The following GTF2IRD1 variants were observed in gnomAD, a reference collection of about 807,000 sequenced individuals.
GTF2IRD1 encodes the protein general transcription factor II-I repeat domain-containing protein 1.
In GTF2IRD1, 26 loss-of-function variants were observed where a neutral mutation model predicts 113.2. That is an observed-to-expected ratio of 0.23 (90% confidence interval 0.17 to 0.32). The LOEUF is 0.32. Ranked by LOEUF, GTF2IRD1 falls within the 10% of genes least tolerant of loss-of-function variation. The probability of loss-of-function intolerance (pLI) is 1.00; values close to 1 mark genes in which losing one functional copy is unlikely to be tolerated. For missense variants in GTF2IRD1, 864 were observed against 1,280.8 expected (o/e 0.67, Z 4.97); for synonymous variants, 484 against 529.1 (o/e 0.91, Z 1.17).
At chr7:74,509,712 C>T (rs1023543348) in intron 2 of GTF2IRD1, among the ~76,000 whole-genome samples, 13 of 151,546 alleles carry the variant, frequency 8.6e-5, no homozygotes, top group Non-Finnish European at 1.0e-4. Flanking sequence ...TTCGCTCTGT[C>T]GCCAGGCTGG....
chr7:74,556,001 G>A (rs1437759821), intron 19 of GTF2IRD1, among the ~76,000 whole-genome samples: 1 of 152,072 alleles, frequency 6.6e-6, no homozygotes, highest in Non-Finnish European at 1.5e-5. Context: ...TGTAATCCCA[G>A]CACTTTGGGC....
intron 8 of GTF2IRD1, among the ~76,000 whole-genome samples, chr7:74,526,387 C>A (rs2130383917): frequency 6.6e-6 from 1 of 152,284 alleles, no homozygotes; most frequent in South Asian, 2.1e-4. Flanking sequence ...TCTGGCAGCC[C>A]AAGGCATTCC....
intron 14 of GTF2IRD1, among the ~76,000 whole-genome samples, chr7:74,542,646 T>C (rs1798696518): frequency 6.6e-6 from 1 of 152,260 alleles, no homozygotes; most frequent in South Asian, 2.1e-4. Flanking sequence ...CAGCACAAAC[T>C]GGGCATGACC....
At chr7:74,541,180 A>G (rs1475391400) in intron 14 of GTF2IRD1, among the ~76,000 whole-genome samples, 1 of 151,850 alleles carries the variant, frequency 6.6e-6, no homozygotes, top group Non-Finnish European at 1.5e-5. Context: ...TCGTGCGGAG[A>G]GATAAACAGT....
intron 24 of GTF2IRD1, among the ~76,000 whole-genome samples, chr7:74,591,466 C>T (rs1554369636): frequency 2.0e-5 from 3 of 149,852 alleles, no homozygotes; most frequent in African/African-American, 7.4e-5. Flanking sequence ...GCACGCTTCA[C>T]CTCCTGAGTT....
chr7:74,550,696 C>T (rs1301299880), intron 17 of GTF2IRD1, among the ~76,000 whole-genome samples: 3 of 151,688 alleles, frequency 2.0e-5, no homozygotes, highest in African/African-American at 7.3e-5. Flanking sequence ...TCGCTTGAGC[C>T]CAGGAATTTG....
In GTF2IRD1 at chr7:74,491,994, C is replaced by T. The variant is rs1053755187; in HGVS notation, c.-6-16081C>T. ...CACCAACATCTGTTATTTTCTTGTT[C>T]GTTTGTTTTTGTTTTTGTTTTTGTT... On this transcript the variant is annotated intron_variant, in intron 1 of 26. Coordinates refer to ENST00000424337, the MANE Select transcript of GTF2IRD1 (RefSeq NM_005685.4). 4.8e-5 allele frequency among the ~76,000 whole-genome samples: 7 copies of T among 146,868 alleles called. No homozygotes were observed. In the South Asian group the frequency reaches 1.3e-3, roughly 27 times the overall value.
Position 74,512,797 on chromosome 7 carries a change from C to A in GTF2IRD1, c.124-33C>A. 1.2e-6 allele frequency: 2 copies of A among 1,607,158 alleles called. No homozygotes were observed. The highest frequency in any genetic ancestry group is 1.7e-6 in the Non-Finnish European group (2 of 1,176,170). On this transcript the variant is annotated intron_variant, in intron 2 of 26. Transcript: ENST00000424337. This position sits in a 1 kb window ranked among gnomAD's most constrained non-coding sequence, Gnocchi z 4.4. ...CTAGAGGTGTTCGGAGTATGGGGAGCCCTTCCGCTCACACAGCCTGCCCTT... is the reference window on the plus strand; with the variant it reads ...CTAGAGGTGTTCGGAGTATGGGGAGACCTTCCGCTCACACAGCCTGCCCTT...
At chr7:74,520,815 G>A (rs955804662) in intron 6 of GTF2IRD1, among the ~76,000 whole-genome samples, 2 of 143,174 alleles carry the variant, frequency 1.4e-5, no homozygotes, top group Middle Eastern at 3.6e-3. Flanking sequence ...TGCTTGGCCT[G>A]TAGTAGGTGC....
At chr7:74,482,047 T>C (rs1794766325) in intron 1 of GTF2IRD1, among the ~76,000 whole-genome samples, 2 of 152,060 alleles carry the variant, frequency 1.3e-5, no homozygotes, top group African/African-American at 4.8e-5. Flanking sequence ...GCCCCTGCCC[T>C]AGTGACAGCA....
intron 1 of GTF2IRD1, among the ~76,000 whole-genome samples, chr7:74,475,299 T>C (rs547113961): frequency 6.6e-6 from 1 of 152,144 alleles, no homozygotes; most frequent in Non-Finnish European, 1.5e-5. Flanking sequence ...TACTCAACCC[T>C]TGTCCATTGG....
intron 19 of GTF2IRD1, among the ~76,000 whole-genome samples, chr7:74,557,132 G>C (rs587627138): frequency 6.2e-4 from 95 of 152,270 alleles, no homozygotes; most frequent in Admixed American, 1.8e-3. Context: ...TGTGGTCCCA[G>C]CTACTCAGAA....
At chr7:74,471,685 A>C (rs544144694) in intron 1 of GTF2IRD1, among the ~76,000 whole-genome samples, 237 of 72,722 alleles carry the variant, frequency 3.3e-3, no homozygotes, top group African/African-American at 4.1e-3. Flanking sequence ...AAAAAAAAAA[A>C]AAAACAAAAA....
intron 14 of GTF2IRD1, among the ~76,000 whole-genome samples, chr7:74,543,872 C>CAAAAAAAAAAAAAAAAAAAAAAAA (rs782039486): frequency 2.9e-5 from 1 of 34,590 alleles, no homozygotes; most frequent in Non-Finnish European, 6.2e-5. Context: ...CCCATCTCTA[C>CAAAAAAAAAAAAAAAAAAAAAAAA]AAAAAAAAAA....
intron 4 of GTF2IRD1, among the ~76,000 whole-genome samples, chr7:74,517,664 CCCT>C (rs1165573928): frequency 6.6e-6 from 1 of 152,134 alleles, no homozygotes; most frequent in African/African-American, 2.4e-5. Flanking sequence ...AAGTGATCCT[CCCT>C]CCTCAGCCTC....
chr7:74,532,917 G>C (rs978808793), intron 9 of GTF2IRD1, among the ~76,000 whole-genome samples: 1 of 152,044 alleles, frequency 6.6e-6, no homozygotes, highest in East Asian at 1.9e-4. Context: ...CCGTGGTCCA[G>C]CCACTCCATG....
At chr7:74,572,153 T>G (rs587680759) in intron 22 of GTF2IRD1, among the ~76,000 whole-genome samples, 1 of 152,250 alleles carries the variant, frequency 6.6e-6, no homozygotes, top group Admixed American at 6.5e-5. Flanking sequence ...CTGGAGAGGA[T>G]GACCTGAGCC....
chr7:74,590,025 G>T, intron 23 of GTF2IRD1, 97 bp downstream of exon 23: 1 of 723,830 alleles, frequency 1.4e-6, no homozygotes. Context: ...GGAGCCCCCA[G>T]CTGGCTGCCT....
chr7:74,553,255 G>A (rs1444633053), intron 17 of GTF2IRD1, among the ~76,000 whole-genome samples: 4 of 149,306 alleles, frequency 2.7e-5, no homozygotes, highest in African/African-American at 7.4e-5. Context: ...TCAGCCTCCC[G>A]AGTAACTGGG....
Sources: allele counts gnomAD v4.1 joint callset (sites outside exome capture counted in the v4.1 genomes callset), GRCh38; gene constraint gnomAD v4.1.1; non-coding constraint Gnocchi (gnomAD v3.1); transcripts MANE v1.5; gene names NCBI Gene and HGNC (gene_info 2026-07-23, HGNC 2026-07-21).